ASIC2: variants seen among roughly 807,000 people sequenced by gnomAD.
ASIC2 encodes acid-sensing ion channel 2.
A neutral mutation model predicts 57.3 loss-of-function variants in ASIC2; 25 were observed. The observed-to-expected ratio is 0.44, with a 90% CI of 0.32 to 0.61. ASIC2 has a LOEUF of 0.61. Ranked by LOEUF, ASIC2 falls within the 20% of genes least tolerant of loss-of-function variation. The pLI, the probability that ASIC2 is intolerant of heterozygous loss-of-function variation, is 0.06. For missense variants in ASIC2, 641 were observed against 738.1 expected, an observed-to-expected ratio of 0.87 and a Z score of 1.52; for synonymous variants, 319 against 307.5, an observed-to-expected ratio of 1.04 and a Z score of -0.39.
At chr17:33,462,926 T>C (rs1401850257) in intron 1 of ASIC2, among the ~76,000 whole-genome samples, 1 of 152,202 alleles carries the variant, frequency 6.6e-6, no homozygotes, top group African/African-American at 2.4e-5. Flanking sequence ...AGCTTTGTTC[T>C]CAGCCTATGA....
chr17:33,599,501 G>T (rs907756202), intron 1 of ASIC2, among the ~76,000 whole-genome samples: 1 of 152,362 alleles, frequency 6.6e-6, no homozygotes, highest in Admixed American at 6.5e-5. Context: ...CAGGTCTGGG[G>T]CTCAGAACTA....
intron 1 of ASIC2, among the ~76,000 whole-genome samples, chr17:33,500,442 T>A (rs574684329): frequency 2.0e-5 from 3 of 152,346 alleles, no homozygotes; most frequent in African/African-American, 7.2e-5. Context: ...TGGCTCCTCC[T>A]TATCTGAGGC....
intron 1 of ASIC2, among the ~76,000 whole-genome samples, chr17:34,025,680 G>A (rs897314052): frequency 3.3e-5 from 5 of 152,154 alleles, no homozygotes; most frequent in African/African-American, 4.8e-5. Context: ...GGTTAGGATC[G>A]GATTTTAGTT....
intron 1 of ASIC2, among the ~76,000 whole-genome samples, chr17:33,690,192 T>G (rs2142063128): frequency 6.6e-6 from 1 of 152,364 alleles, no homozygotes; most frequent in South Asian, 2.1e-4. Flanking sequence ...ATAGCTTCAT[T>G]TATCTATTAT....
intron 1 of ASIC2, among the ~76,000 whole-genome samples, chr17:33,692,943 T>C (rs1337198225): frequency 1.3e-5 from 2 of 152,232 alleles, no homozygotes; most frequent in Non-Finnish European, 2.9e-5. Context: ...ATCAATCGCA[T>C]ATTTTAAATC....
At chr17:33,823,892 G>C (rs1465410748) in intron 1 of ASIC2, among the ~76,000 whole-genome samples, 1 of 152,204 alleles carries the variant, frequency 6.6e-6, no homozygotes, top group Non-Finnish European at 1.5e-5. Context: ...TGTTGAGGCT[G>C]CTCTGATAGT....
intron 3 of ASIC2, among the ~76,000 whole-genome samples, chr17:33,031,697 T>A (rs776275001): frequency 6.6e-5 from 10 of 152,178 alleles, no homozygotes; most frequent in Non-Finnish European, 1.2e-4. Context: ...GAGAGGAGTA[T>A]CAAAACATCT....
intron 1 of ASIC2, among the ~76,000 whole-genome samples, chr17:33,149,118 CA>C (rs969714896): frequency 1.3e-5 from 2 of 151,666 alleles, no homozygotes; most frequent in African/African-American, 4.8e-5. Flanking sequence ...AAAACAAAAA[CA>C]AAAAAACAAA....
At chr17:33,077,120 C>A (rs921027105) in intron 3 of ASIC2, among the ~76,000 whole-genome samples, 2 of 151,974 alleles carry the variant, frequency 1.3e-5, no homozygotes, top group African/African-American at 4.8e-5. Flanking sequence ...AGATGCAGCT[C>A]CCCTTCTGCT....
At chr17:34,029,562 T>C (rs1204046793) in intron 1 of ASIC2, among the ~76,000 whole-genome samples, 2 of 152,154 alleles carry the variant, frequency 1.3e-5, no homozygotes, top group Admixed American at 1.3e-4. Context: ...ATGACTGTAG[T>C]ATTTGGAGAT....
At chr17:33,466,118 G>T (rs1364533686) in intron 1 of ASIC2, among the ~76,000 whole-genome samples, 3 of 152,138 alleles carry the variant, frequency 2.0e-5, no homozygotes, top group African/African-American at 7.2e-5. Flanking sequence ...ATCTCCTTAA[G>T]CTGATAAGCA....
At chr17:33,048,649 G>A (rs748772896) in intron 3 of ASIC2, among the ~76,000 whole-genome samples, 8 of 152,152 alleles carry the variant, frequency 5.3e-5, no homozygotes, top group Non-Finnish European at 1.0e-4. Flanking sequence ...TTGAGTCCTT[G>A]AAATCTGCTC....
intron 1 of ASIC2, among the ~76,000 whole-genome samples, chr17:34,147,668 G>A (rs1409453154): frequency 6.6e-6 from 1 of 152,174 alleles, no homozygotes; most frequent in African/African-American, 2.4e-5. Flanking sequence ...AACTGGGAGG[G>A]GTGATGTAGG....
At chr17:33,684,561 T>C (rs1205970177) in intron 1 of ASIC2, among the ~76,000 whole-genome samples, 1 of 152,146 alleles carries the variant, frequency 6.6e-6, no homozygotes, top group Non-Finnish European at 1.5e-5. Context: ...TTTAAATACG[T>C]CGGGTAACAG....
chr17:33,150,093 T>C (rs1904724324), intron 1 of ASIC2, among the ~76,000 whole-genome samples: 1 of 152,240 alleles, frequency 6.6e-6, no homozygotes, highest in Non-Finnish European at 1.5e-5. Context: ...TTTAGGGAGT[T>C]GGCAGTTGAC....
intron 1 of ASIC2, among the ~76,000 whole-genome samples, chr17:33,814,619 T>A (rs1161251773): frequency 6.6e-6 from 1 of 152,220 alleles, no homozygotes; most frequent in Non-Finnish European, 1.5e-5. Flanking sequence ...CAGAGGGGTG[T>A]CACTTTAGCA....
chr17:33,299,576 T>C (rs1271572671), intron 1 of ASIC2, among the ~76,000 whole-genome samples: 1 of 151,958 alleles, frequency 6.6e-6, no homozygotes, highest in African/African-American at 2.4e-5. Flanking sequence ...CCTAATTCTC[T>C]CTTTTTCTGG....
intron 1 of ASIC2, among the ~76,000 whole-genome samples, chr17:33,196,082 C>A (rs928755142): frequency 6.6e-6 from 1 of 152,208 alleles, no homozygotes; most frequent in Non-Finnish European, 1.5e-5. Flanking sequence ...GCAATGCTTA[C>A]ATGCCAGATA....
intron 1 of ASIC2, among the ~76,000 whole-genome samples, chr17:33,978,416 G>A (rs1905474766): frequency 6.6e-6 from 1 of 152,170 alleles, no homozygotes; most frequent in South Asian, 2.1e-4. Context: ...GCCTTTCACT[G>A]ACTGTGTGAT....
Sources: gnomAD v4.1 joint callset for allele counts (sites outside exome capture counted in the v4.1 genomes callset) on GRCh38, gnomAD v4.1.1 for gene constraint, MANE v1.5 for transcripts, NCBI Gene and HGNC (gene_info 2026-07-23, HGNC 2026-07-21) for gene names.